The following ZNF804B variants were observed in gnomAD, a reference collection of about 807,000 sequenced individuals.
ZNF804B encodes the protein zinc finger protein 804B.
ZNF804B carries 80 observed loss-of-function variants against 101.4 expected under a neutral mutation model. The observed-to-expected ratio is 0.79, with a 90% CI of 0.66 to 0.95. The LOEUF is 0.95. Among genes scored for constraint, ZNF804B ranks in the 40% least tolerant of loss-of-function variants. The probability of loss-of-function intolerance (pLI) is 0.00; values close to 1 mark genes in which losing one functional copy is unlikely to be tolerated. For synonymous variants in ZNF804B, 622 were observed against 558.8 expected, an observed-to-expected ratio of 1.11 and a Z score of -1.59; for missense variants, 1,673 against 1,561.9, an observed-to-expected ratio of 1.07 and a Z score of -1.20.
chr7:88,775,795 C>T (rs2115644984), intron 1 of ZNF804B, among the ~76,000 whole-genome samples: 1 of 152,236 alleles, frequency 6.6e-6, no homozygotes, highest in South Asian at 2.1e-4. Context: ...TCCAGTGTTG[C>T]TTGGTGACAA....
intron 1 of ZNF804B, among the ~76,000 whole-genome samples, chr7:88,811,125 G>A (rs945377446): frequency 6.6e-6 from 1 of 151,968 alleles, no homozygotes; most frequent in Non-Finnish European, 1.5e-5. Flanking sequence ...TGAGTTTAAG[G>A]TGTGAGGTGC....
intron 1 of ZNF804B, among the ~76,000 whole-genome samples, chr7:88,805,019 A>G (rs570458035): frequency 6.6e-6 from 1 of 152,318 alleles, no homozygotes; most frequent in East Asian, 1.9e-4. Context: ...TATATTATAA[A>G]AGTTTCAGTG....
intron 1 of ZNF804B, among the ~76,000 whole-genome samples, chr7:88,974,153 T>C (rs1467490255): frequency 1.3e-5 from 2 of 151,312 alleles, no homozygotes; most frequent in African/African-American, 4.8e-5. Flanking sequence ...CAACTGCAGA[T>C]AGTGAAGAAA....
At chr7:89,096,252 G>A (rs777530855) in intron 1 of ZNF804B, among the ~76,000 whole-genome samples, 2 of 152,042 alleles carry the variant, frequency 1.3e-5, no homozygotes, top group African/African-American at 4.8e-5. Flanking sequence ...TGAACACTGT[G>A]ATGATGCATG....
chr7:89,175,399 T>G (rs187792501), intron 1 of ZNF804B, among the ~76,000 whole-genome samples: 1 of 152,036 alleles, frequency 6.6e-6, no homozygotes, highest in African/African-American at 2.4e-5. Flanking sequence ...GTAGGGATAT[T>G]TTTTTCCGGG....
intron 1 of ZNF804B, among the ~76,000 whole-genome samples, chr7:89,200,928 T>C (rs117744170): frequency 0.016 from 2,490 of 152,134 alleles, 31 homozygotes; most frequent in Non-Finnish European, 0.024. Context: ...TCCCCTTTTT[T>C]CTTTCACTTG....
intron 1 of ZNF804B, among the ~76,000 whole-genome samples, chr7:89,033,413 C>T (rs1360811577): frequency 1.3e-5 from 2 of 152,080 alleles, no homozygotes; most frequent in Non-Finnish European, 2.9e-5. Flanking sequence ...AATAGTGCCA[C>T]CACAAACATA....
At chr7:88,798,916 G>A (rs1228398592) in intron 1 of ZNF804B, among the ~76,000 whole-genome samples, 1 of 152,058 alleles carries the variant, frequency 6.6e-6, no homozygotes, top group African/African-American at 2.4e-5. Flanking sequence ...GGATAAAGAA[G>A]CATTTGTGTT....
intron 1 of ZNF804B, among the ~76,000 whole-genome samples, chr7:88,951,971 T>G (rs181529750): frequency 1.3e-5 from 2 of 152,002 alleles, no homozygotes; most frequent in Non-Finnish European, 2.9e-5. Flanking sequence ...GGGTGGTATC[T>G]CATTCCTGGA....
intron 2 of ZNF804B, among the ~76,000 whole-genome samples, chr7:89,256,957 G>A (rs1789640299): frequency 2.6e-5 from 4 of 152,078 alleles, no homozygotes; most frequent in Admixed American, 2.6e-4. Context: ...TTTCATTTAT[G>A]ATAGATATAA....
chr7:89,055,164 T>A (rs1319543432), intron 1 of ZNF804B, among the ~76,000 whole-genome samples: 1 of 152,076 alleles, frequency 6.6e-6, no homozygotes, highest in Non-Finnish European at 1.5e-5. Context: ...CCAAGAAAGT[T>A]CGGTTATGGG....
chr7:88,897,164 A>G (rs1488419027), intron 1 of ZNF804B, among the ~76,000 whole-genome samples: 1 of 152,216 alleles, frequency 6.6e-6, no homozygotes, highest in African/African-American at 2.4e-5. Flanking sequence ...CTTACGTAGC[A>G]TAAGGAACTT....
rs543650976 is a variant in ZNF804B at position 89,228,854 on chromosome 7, C to T, written c.249+10559C>T. Among the ~76,000 whole-genome samples the T allele has an allele frequency of 1.7e-3, 265 of 152,220 alleles. 2 individuals carry two copies. Among genetic ancestry groups the T allele is most frequent in the African/African-American group, 6.0e-3 (250 of 41,570 alleles). On this transcript the variant is annotated intron_variant, in intron 2 of 3. Transcript: ENST00000333190. ...TGGGGAGGCTCCGGCGGCACAGGGGCGCACGGAGCAGGTAGGGGGAGGCTC... is the reference window on the plus strand; with the variant it reads ...TGGGGAGGCTCCGGCGGCACAGGGGTGCACGGAGCAGGTAGGGGGAGGCTC...
chr7:88,821,377 C>A (rs915089428), intron 1 of ZNF804B, among the ~76,000 whole-genome samples: 1 of 152,016 alleles, frequency 6.6e-6, no homozygotes, highest in African/African-American at 2.4e-5. Context: ...TGACTTTACT[C>A]GATATTTTCA....
chr7:88,858,915 G>A (rs1791610164), intron 1 of ZNF804B, among the ~76,000 whole-genome samples: 1 of 151,964 alleles, frequency 6.6e-6, no homozygotes, highest in Non-Finnish European at 1.5e-5. Flanking sequence ...ATTTTCAACA[G>A]TAATTTTAGG....
intron 1 of ZNF804B, among the ~76,000 whole-genome samples, chr7:89,169,546 G>T (rs961166453): frequency 6.6e-6 from 1 of 152,062 alleles, no homozygotes; most frequent in Admixed American, 6.6e-5. Context: ...AGTCGGCCTA[G>T]GAAATCCAGC....
intron 2 of ZNF804B, among the ~76,000 whole-genome samples, chr7:89,233,556 A>G (rs567771862): frequency 2.2e-4 from 34 of 152,326 alleles, no homozygotes; most frequent in African/African-American, 7.5e-4. Context: ...ATGAAGGCCA[A>G]ATAAGCCTAC....
chr7:88,897,872 T>G (rs117384753), intron 1 of ZNF804B, among the ~76,000 whole-genome samples: 478 of 152,028 alleles, frequency 3.1e-3, no homozygotes, highest in Middle Eastern at 0.01. Flanking sequence ...TAGTACTTTT[T>G]TTTTTTTTTG....
intron 1 of ZNF804B, among the ~76,000 whole-genome samples, chr7:88,940,768 A>AAATAAT (rs71120045): frequency 0.11 from 14,982 of 139,316 alleles, 860 homozygotes; most frequent in Non-Finnish European, 0.12. Flanking sequence ...ACCCTATTTA[A>AAATAAT]AATAATAATA....
Sources: allele counts gnomAD v4.1 joint callset (sites outside exome capture counted in the v4.1 genomes callset), GRCh38; gene constraint gnomAD v4.1.1; transcripts MANE v1.5; gene names NCBI Gene and HGNC (gene_info 2026-07-23, HGNC 2026-07-21).